SLC38A12: variants seen among roughly 807,000 people sequenced by gnomAD.
The protein encoded by SLC38A12 is putative sodium-coupled neutral amino acid transporter 12.
At chr17:74,787,916 C>T in the SLC38A12 span, among the ~76,000 whole-genome samples, 1 of 152,080 alleles carries the variant, frequency 6.6e-6, no homozygotes, top group African/African-American at 2.4e-5. Flanking sequence ...GCCTCAGCCT[C>T]CCAAGTAGCT....
the SLC38A12 span, chr17:74,777,771 T>A: frequency 2.3e-6 from 1 of 442,410 alleles, no homozygotes; most frequent in Non-Finnish European, 4.1e-6. Context: ...AATACAAAAT[T>A]AGCCGGGCAT....
chr17:74,817,854 C>A, the SLC38A12 span, among the ~76,000 whole-genome samples: 1 of 152,092 alleles, frequency 6.6e-6, no homozygotes, highest in Non-Finnish European at 1.5e-5. Flanking sequence ...ATAAGCCACC[C>A]CCAAGATCTC....
the SLC38A12 span, chr17:74,838,182 C>T: frequency 1.0e-6 from 1 of 985,672 alleles, no homozygotes. Context: ...TGGCCTCAGC[C>T]CGCTTTCTCT....
chr17:74,795,373 G>A, the SLC38A12 span: 2 of 694,622 alleles, frequency 2.9e-6, no homozygotes, highest in Non-Finnish European at 4.9e-6. Flanking sequence ...GGAACAAGGA[G>A]GGTGCATCCT....
At chr17:74,777,575 A>G in the SLC38A12 span, 9 of 1,521,026 alleles carry the variant, frequency 5.9e-6, no homozygotes, top group Admixed American at 1.2e-4. Flanking sequence ...TTCTCTTTTT[A>G]AGGTGTTTGT....
the SLC38A12 span, among the ~76,000 whole-genome samples, chr17:74,826,762 CCT>C: frequency 6.6e-6 from 1 of 152,232 alleles, no homozygotes; most frequent in Admixed American, 6.5e-5. Context: ...CTCCAAAGAC[CCT>C]GTCTCCTTTA....
At chr17:74,818,558 C>T in the SLC38A12 span, among the ~76,000 whole-genome samples, 70 of 152,246 alleles carry the variant, frequency 4.6e-4, no homozygotes, top group African/African-American at 1.5e-3. Flanking sequence ...CCTCCTTCTG[C>T]GGGGCTCCTA....
the SLC38A12 span, among the ~76,000 whole-genome samples, chr17:74,804,574 G>A: frequency 2.0e-5 from 3 of 152,246 alleles, no homozygotes; most frequent in Non-Finnish European, 2.9e-5. Context: ...GTGGACCAAG[G>A]AACATTTTCA....
chr17:74,796,675 TCTC>T, the SLC38A12 span, among the ~76,000 whole-genome samples: 3 of 152,240 alleles, frequency 2.0e-5, no homozygotes, highest in Admixed American at 1.3e-4. Flanking sequence ...CAGTGTGTCT[TCTC>T]CTGCACATTC....
the SLC38A12 span, chr17:74,794,904 C>G: frequency 1.1e-6 from 1 of 899,324 alleles, no homozygotes; most frequent in Admixed American, 2.3e-5. Context: ...GCTCAGAGAA[C>G]TGAAAGCTAT....
At chr17:74,821,773 T>C in the SLC38A12 span, among the ~76,000 whole-genome samples, 22 of 152,188 alleles carry the variant, frequency 1.4e-4, no homozygotes, top group African/African-American at 5.3e-4. Flanking sequence ...CTCCTGTGGC[T>C]CCCTGCAGCC....
chr17:74,795,559 C>T, the SLC38A12 span: 6 of 1,613,978 alleles, frequency 3.7e-6, no homozygotes, highest in East Asian at 1.1e-4. Flanking sequence ...GGTGTGGAAG[C>T]AGACACCAAA....
the SLC38A12 span, among the ~76,000 whole-genome samples, chr17:74,793,398 C>T: frequency 6.6e-6 from 1 of 152,236 alleles, no homozygotes; most frequent in Non-Finnish European, 1.5e-5. Context: ...CTCCGCTGTG[C>T]TCCATTCCTG....
chr17:74,785,638 G>T, the SLC38A12 span: 3 of 1,605,746 alleles, frequency 1.9e-6, no homozygotes, highest in Non-Finnish European at 2.6e-6. Context: ...ACAGGGGCCA[G>T]GAGTGGAGCA....
the SLC38A12 span, among the ~76,000 whole-genome samples, chr17:74,823,563 T>A: frequency 2.0e-5 from 3 of 152,352 alleles, no homozygotes; most frequent in South Asian, 2.1e-4. Flanking sequence ...GTCTGTTGAT[T>A]TCTTGTGCTC....
chr17:74,838,068 T>C, the SLC38A12 span: 1 of 985,842 alleles, frequency 1.0e-6, no homozygotes, highest in Non-Finnish European at 1.2e-6. Flanking sequence ...CCCAAGGTGG[T>C]CTCAGGGTCA....
the SLC38A12 span, chr17:74,836,341 C>T: frequency 6.2e-7 from 1 of 1,613,008 alleles, no homozygotes; most frequent in Non-Finnish European, 8.5e-7. This position sits in a 1 kb window ranked among gnomAD's most constrained non-coding sequence, Gnocchi z 4.2. Flanking sequence ...AACTGGAAGA[C>T]ACTCTTCCAC....
the SLC38A12 span, among the ~76,000 whole-genome samples, chr17:74,779,674 A>G: frequency 1.3e-5 from 2 of 152,198 alleles, no homozygotes; most frequent in African/African-American, 4.8e-5. Context: ...CCAGCTCAAG[A>G]CAACGTGGGC....
At chr17:74,815,525 C>CTCTAATGTTGACGCCCT in the SLC38A12 span, among the ~76,000 whole-genome samples, 3 of 152,170 alleles carry the variant, frequency 2.0e-5, no homozygotes, top group Non-Finnish European at 2.9e-5. Flanking sequence ...TACTTTTGTG[C>CTCTAATGTTGACGCCCT]TCTAATGTTG....
Sources: gnomAD v4.1 joint callset for allele counts (sites outside exome capture counted in the v4.1 genomes callset) on GRCh38, gnomAD v4.1.1 for gene constraint, Gnocchi (gnomAD v3.1) non-coding constraint, MANE v1.5 for transcripts, NCBI Gene and HGNC (gene_info 2026-07-23, HGNC 2026-07-21) for gene names.